The following XPNPEP3 variants were observed in gnomAD, a reference collection of about 807,000 sequenced individuals.
The protein encoded by XPNPEP3 is X-prolyl aminopeptidase 3, also known as xaa-Pro aminopeptidase 3.
In XPNPEP3, 41 loss-of-function variants were observed where a neutral mutation model predicts 60.0. The observed-to-expected ratio is 0.68, with a 90% CI of 0.53 to 0.89. XPNPEP3 has a LOEUF of 0.89. XPNPEP3 is among the 40% of genes least tolerant of loss of function. XPNPEP3 has a pLI of 0.00. For synonymous variants in XPNPEP3, 212 were observed against 223.2 expected (o/e 0.95, Z 0.45); for missense variants, 598 against 638.9 (o/e 0.94, Z 0.69).
At chr22:40,879,874 A>C (rs1004302450) in intron 2 of XPNPEP3, among the ~76,000 whole-genome samples, 2 of 151,740 alleles carry the variant, frequency 1.3e-5, no homozygotes, top group East Asian at 1.9e-4. Flanking sequence ...ATAAAAATAC[A>C]AAAATAGTCA....
chr22:40,896,351 G>A (rs114548937), intron 4 of XPNPEP3, among the ~76,000 whole-genome samples: 1,861 of 152,000 alleles, frequency 0.012, 35 homozygotes, highest in African/African-American at 0.042. Context: ...TTATTTAATC[G>A]TGGTGAGATG....
rs116618340 is a variant in XPNPEP3, at chr22:40,922,955, C to T, written c.1236+442C>T. Among the ~76,000 whole-genome samples the T allele has an allele frequency of 3.3e-3, 501 of 152,178 alleles. 1 individual carries two copies. The highest frequency in any genetic ancestry group is 0.012 in the African/African-American group (479 of 41,508). ...CATGCTGCATAACTAGCTCAGTATTCAGAAAACTTAAAATGAAGTCTGGTG... is the reference window on the plus strand; with the variant it reads ...CATGCTGCATAACTAGCTCAGTATTTAGAAAACTTAAAATGAAGTCTGGTG... On this transcript the variant is annotated intron_variant, in intron 8 of 9. Coordinates refer to ENST00000357137, the MANE Select transcript of XPNPEP3 (RefSeq NM_022098.4).
At position 40,932,563 on chromosome 22, in the gene XPNPEP3, A is replaced by C. The variant is rs2058258476; in HGVS notation, c.*6128A>C. On this transcript the variant is annotated 3_prime_UTR_variant, in exon 10 of 10. Transcript: ENST00000357137. ...CTGTGTGTCACTGAGTTTGAGCATCATTATTGTTTGAATCAGAGGACCCAC... is the reference window on the plus strand; with the variant it reads ...CTGTGTGTCACTGAGTTTGAGCATCCTTATTGTTTGAATCAGAGGACCCAC... 1 of 152,156 alleles carries C rather than the reference A, an allele frequency of 6.6e-6. No homozygotes were observed. The highest frequency in any genetic ancestry group is 6.6e-5 in the Admixed American group (1 of 15,252). The allele number at this position is 152,156 out of a possible 1,614,324, so 9.4% of individuals were successfully genotyped here. A position where few individuals can be genotyped will look rare whatever the true frequency, so the allele number is the denominator to read the frequency against.
rs559033819 is a variant in XPNPEP3 at position 40,880,273 on chromosome 22, C to T, written c.182-1497C>T. Among the ~76,000 whole-genome samples, 770 of 151,948 alleles carry T rather than the reference C, an allele frequency of 5.1e-3. 3 individuals carry two copies. Among genetic ancestry groups the T allele is most frequent in the African/African-American group, 0.017 (721 of 41,432 alleles). ...TAGAAATGGCTGAATAAGTTATGGT[C>T]TCTTCACCCCAAGAAATGTCATGGA... On this transcript the variant is annotated intron_variant, in intron 2 of 9. Transcript: ENST00000357137.
intron 4 of XPNPEP3, among the ~76,000 whole-genome samples, chr22:40,891,913 C>T (rs959027571): frequency 6.6e-6 from 1 of 152,146 alleles, no homozygotes; most frequent in South Asian, 2.1e-4. Context: ...GCATGCACAA[C>T]GTGGGTTTCT....
rs368637490 is a variant in XPNPEP3, at chr22:40,901,791, C to T, written c.793-5796C>T. Among the ~76,000 whole-genome samples the T allele has an allele frequency of 2.0e-5, 3 of 152,098 alleles. No homozygotes were observed. The South Asian group carries it at 6.2e-4, about 32-fold the overall frequency. Reference sequence around the variant, plus strand: ...TATGACTCCATTTATATGAAATATGCGGAATAGGTAAACCCGTAGAGACAA... The same window carrying T: ...TATGACTCCATTTATATGAAATATGTGGAATAGGTAAACCCGTAGAGACAA... On this transcript the variant is annotated intron_variant, in intron 4 of 9. Coordinates refer to ENST00000357137, the MANE Select transcript of XPNPEP3 (RefSeq NM_022098.4).
chr22:40,882,245 A>G (rs1274925450), intron 3 of XPNPEP3, 68 bp downstream of exon 3: 5 of 1,556,380 alleles, frequency 3.2e-6, no homozygotes, highest in Non-Finnish European at 4.4e-6. Context: ...GCCTGTTTAG[A>G]CAAGTCCTTA....
Position 40,864,415 on chromosome 22 carries a change from CAG to C in XPNPEP3, c.65-4583_65-4582del, listed in dbSNP as rs1555887649. Among the ~76,000 whole-genome samples the C allele has an allele frequency of 2.6e-5, 4 of 152,208 alleles. No homozygotes were observed. In the East Asian group the frequency reaches 7.7e-4, roughly 29 times the overall value. ...AGATGTTCGCAGTGTCTAAATTTGACAGGGACTTATTTTATTTTCATTATTAT... is the reference window on the plus strand; with the variant it reads ...AGATGTTCGCAGTGTCTAAATTTGACGGACTTATTTTATTTTCATTATTAT... On this transcript the variant is annotated intron_variant, in intron 1 of 9. Coordinates refer to ENST00000357137, the MANE Select transcript of XPNPEP3 (RefSeq NM_022098.4).
At chr22:40,895,916 C>T (rs1273008057) in intron 4 of XPNPEP3, among the ~76,000 whole-genome samples, 1 of 152,150 alleles carries the variant, frequency 6.6e-6, no homozygotes, top group South Asian at 2.1e-4. Context: ...ATTTTACTCA[C>T]ACATTTGTGA....
At chr22:40,886,038 C>T (rs562182793) in intron 3 of XPNPEP3, among the ~76,000 whole-genome samples, 45 of 152,186 alleles carry the variant, frequency 3.0e-4, no homozygotes, top group African/African-American at 9.4e-4. Flanking sequence ...GCTTTAGTCC[C>T]GTATCATCCT....
At chr22:40,918,007 TC>T (rs375515925) in intron 7 of XPNPEP3, among the ~76,000 whole-genome samples, 2,595 of 62,164 alleles carry the variant, frequency 0.042, 118 homozygotes, top group East Asian at 0.2. Context: ...TGAGACTCTG[TC>T]TAAAAAAAAA....
intron 1 of XPNPEP3, chr22:40,860,719 C>A (rs756088018): frequency 2.2e-6 from 2 of 919,474 alleles, no homozygotes; most frequent in East Asian, 5.4e-5. Flanking sequence ...GTGGCGTGAT[C>A]CCATTACACT....
intron 7 of XPNPEP3, among the ~76,000 whole-genome samples, chr22:40,920,229 G>A (rs900269891): frequency 1.3e-5 from 2 of 152,102 alleles, no homozygotes; most frequent in Admixed American, 6.6e-5. Context: ...TTAGCTGGGC[G>A]TGGTGGTGGG....
chr22:40,915,050 C>CTTTTT (rs34697318), intron 7 of XPNPEP3, among the ~76,000 whole-genome samples: 6 of 117,876 alleles, frequency 5.1e-5, no homozygotes, highest in East Asian at 2.5e-4. Context: ...CAAGTCCATT[C>CTTTTT]TTTTTTTTTT....
chr22:40,915,476 C>A (rs112617280), intron 7 of XPNPEP3, among the ~76,000 whole-genome samples: 2 of 151,418 alleles, frequency 1.3e-5, no homozygotes, highest in Non-Finnish European at 2.9e-5. Flanking sequence ...TCGCTTGAAC[C>A]CAGGGGACGG....
intron 1 of XPNPEP3, chr22:40,862,603 G>C: frequency 2.0e-6 from 2 of 985,478 alleles, no homozygotes; most frequent in Non-Finnish European, 2.4e-6. Flanking sequence ...TTATATGAGA[G>C]ACAGCTCAGG....
intron 2 of XPNPEP3, among the ~76,000 whole-genome samples, chr22:40,869,768 T>A (rs1490438471): frequency 6.6e-6 from 1 of 152,228 alleles, no homozygotes; most frequent in Non-Finnish European, 1.5e-5. Flanking sequence ...GGTTTTTTGT[T>A]TTGATTTCTT....
chr22:40,897,546 G>C (rs1224418145), intron 4 of XPNPEP3, among the ~76,000 whole-genome samples: 1 of 151,068 alleles, frequency 6.6e-6, no homozygotes, highest in East Asian at 1.9e-4. Flanking sequence ...TTTGTTCCCA[G>C]GCTGGAGTGC....
intron 9 of XPNPEP3, 103 bp from the exon 10 acceptor site, chr22:40,926,166 G>C (rs2058233731): frequency 8.3e-7 from 1 of 1,202,374 alleles, no homozygotes. Context: ...TAAAGATCCA[G>C]TATTACAGAG....
Sources: gnomAD v4.1 joint callset for allele counts (sites outside exome capture counted in the v4.1 genomes callset) on GRCh38, gnomAD v4.1.1 for gene constraint, MANE v1.5 for transcripts, NCBI Gene and HGNC (gene_info 2026-07-23, HGNC 2026-07-21) for gene names.